ZDHHC11B: variants seen among roughly 807,000 people sequenced by gnomAD.
ZDHHC11B encodes the protein zDHHC palmitoyltransferase 11B (putative).
ZDHHC11B carries 17 observed loss-of-function variants against 42.3 expected under a neutral mutation model. The ratio of observed to expected loss-of-function variants is 0.40; its 90% CI spans 0.27 to 0.60. The LOEUF is 0.60. ZDHHC11B is among the 20% of genes least tolerant of loss of function. The pLI is 0.41. For synonymous variants in ZDHHC11B, 123 were observed against 193.5 expected (o/e 0.64, Z 3.02); for missense variants, 262 against 463.2 (o/e 0.57, Z 3.99).
At chr5:741,838 A>G (rs183805563) in intron 9 of ZDHHC11B, among the ~76,000 whole-genome samples, 238 of 138,454 alleles carry the variant, frequency 1.7e-3, no homozygotes, top group African/African-American at 5.9e-3. Context: ...TTCTGGTCAT[A>G]TATTAGACAT....
At chr5:730,289 T>C in intron 12 of ZDHHC11B, 145 bp downstream of exon 12, 15 of 1,068,774 alleles carry the variant, frequency 1.4e-5, no homozygotes, top group Non-Finnish European at 1.8e-5. Context: ...TGAATGGCTA[T>C]AAATGTTCAG....
intron 1 of ZDHHC11B, among the ~76,000 whole-genome samples, chr5:778,793 GAGAGA>G (rs1387568415): frequency 1.3e-5 from 2 of 151,818 alleles, no homozygotes; most frequent in Non-Finnish European, 1.5e-5. Context: ...AGAAGACACA[GAGAGA>G]AGAGAAGAAG....
At chr5:724,268 C>T (rs560762316) in intron 12 of ZDHHC11B, among the ~76,000 whole-genome samples, 6 of 149,862 alleles carry the variant, frequency 4.0e-5, no homozygotes, top group East Asian at 2.0e-4. Context: ...TGCAGTGGCA[C>T]GATCTTGGCT....
At chr5:760,796 G>T (rs6555467) in intron 4 of ZDHHC11B, among the ~76,000 whole-genome samples, 4,155 of 150,832 alleles carry the variant, frequency 0.028, 227 homozygotes, top group African/African-American at 0.097. Flanking sequence ...GCACCACTCC[G>T]GACTGGCAGG....
At chr5:751,583 A>G (rs632851) in intron 6 of ZDHHC11B, among the ~76,000 whole-genome samples, 3,095 of 74,744 alleles carry the variant, frequency 0.041, 244 homozygotes, top group Middle Eastern at 0.062. Flanking sequence ...AGAGGCAGGG[A>G]TGGGGACGCG....
In ZDHHC11B at chr5:725,300, G is replaced by T. The variant is rs2335595; in HGVS notation, c.1058+5134C>A. Among the ~76,000 whole-genome samples the T allele has an allele frequency of 6.8e-5, 8 of 117,146 alleles. 1 individual carries two copies. Among genetic ancestry groups the T allele is most frequent in the Non-Finnish European group, 1.3e-4 (7 of 54,000 alleles). 76.9% of individuals were successfully genotyped at this position (117,146 alleles called of 152,430 possible). On this transcript the variant is annotated intron_variant, in intron 12 of 13. Transcript: ENST00000508859. ...TGTGTGAGGACAACCAGAGGAGGCCGTCGGAGAACCGGGAAGGGGCTCTCA... is the reference window on the plus strand; with the variant it reads ...TGTGTGAGGACAACCAGAGGAGGCCTTCGGAGAACCGGGAAGGGGCTCTCA...
At chr5:721,240 T>C (rs1409174803) in intron 12 of ZDHHC11B, among the ~76,000 whole-genome samples, 1 of 146,964 alleles carries the variant, frequency 6.8e-6, no homozygotes, top group Non-Finnish European at 1.5e-5. Context: ...AAATGGAACA[T>C]TACAAACATT....
intron 1 of ZDHHC11B, among the ~76,000 whole-genome samples, chr5:783,886 T>A (rs1264506814): frequency 2.8e-5 from 3 of 106,476 alleles, no homozygotes; most frequent in South Asian, 3.2e-4. Flanking sequence ...GCAGCCCCCC[T>A]AAACGCTTAT....
chr5:777,933 G>C (rs766914114), intron 1 of ZDHHC11B, among the ~76,000 whole-genome samples: 2 of 151,828 alleles, frequency 1.3e-5, no homozygotes, highest in Non-Finnish European at 2.9e-5. Flanking sequence ...GCGTGGCCTC[G>C]GCATGGCGGT....
At position 750,692 on chromosome 5, in the gene ZDHHC11B, C is replaced by T. The variant is rs1356942093; in HGVS notation, c.628+441G>A. Among the ~76,000 whole-genome samples the T allele has an allele frequency of 4.8e-5, 6 of 124,662 alleles. 2 individuals are homozygous for T. The highest frequency in any genetic ancestry group is 1.9e-4 in the Admixed American group (2 of 10,794). The allele number at this position is 124,662 out of a possible 152,430, so 81.8% of individuals were successfully genotyped here. ...GGCTCCGGGCCCACTTGGCCAAGGG[C>T]CTCAGCACACCGCAGCCTACAGCCC... On this transcript the variant is annotated intron_variant, in intron 7 of 13. Coordinates refer to ENST00000508859, the MANE Select transcript of ZDHHC11B (RefSeq NM_001351303.2).
Position 720,195 on chromosome 5 carries a change from TG to T in ZDHHC11B, c.1059-3331del, listed in dbSNP as rs540938970. On this transcript the variant is annotated intron_variant, in intron 12 of 13. Transcript: ENST00000508859. ...CTCAACGAATTCCAAGCAGGCTATA[TG>T]CCAAAAGATCTACGCTAAGACACAT... Among the ~76,000 whole-genome samples the T allele has an allele frequency of 2.4e-4, 36 of 151,892 alleles. No homozygotes were observed. The East Asian group carries it at 6.4e-3, about 27-fold the overall frequency.
intron 4 of ZDHHC11B, among the ~76,000 whole-genome samples, chr5:759,205 C>A (rs1396313610): frequency 6.6e-6 from 1 of 151,890 alleles, no homozygotes; most frequent in East Asian, 1.9e-4. Flanking sequence ...CCCCTAGCAA[C>A]AATCTGTATT....
At chr5:747,910 C>A in intron 8 of ZDHHC11B, 1 of 269,826 alleles carries the variant, frequency 3.7e-6, no homozygotes, top group African/African-American at 2.1e-5. Context: ...ACATGACTGA[C>A]CGCCTACCGC....
rs370420576 is a variant in ZDHHC11B, at chr5:710,432, G to C, written c.*1858C>G. The C allele has an allele frequency of 3.9e-5, 6 of 154,524 alleles. No homozygotes were observed. In the East Asian group the frequency reaches 7.5e-4, roughly 19 times the overall value. 9.6% of individuals were successfully genotyped at this position (154,524 alleles called of 1,614,324 possible). ...TGACTACTAAACAGACTAAAACGCA[G>C]AGTTCATTAAAATACAGAGGATGCC... On this transcript the variant is annotated 3_prime_UTR_variant, in exon 14 of 14. Coordinates refer to ENST00000508859, the MANE Select transcript of ZDHHC11B (RefSeq NM_001351303.2).
Position 780,619 on chromosome 5 carries a change from G to T in ZDHHC11B, c.-230+4049C>A. Among the ~76,000 whole-genome samples the T allele has an allele frequency of 1.5e-5, 2 of 136,534 alleles. 1 individual carries two copies. The highest frequency in any genetic ancestry group is 3.0e-5 in the Non-Finnish European group (2 of 66,860). 89.6% of individuals were successfully genotyped at this position (136,534 alleles called of 152,430 possible). A position where few individuals can be genotyped will look rare whatever the true frequency, so the allele number is the denominator to read the frequency against. ...ATCCCACTCCCGGAACATGAAGAGAGGCGGCCCAGAACGGCTGGCACTAGA... is the reference window on the plus strand; with the variant it reads ...ATCCCACTCCCGGAACATGAAGAGATGCGGCCCAGAACGGCTGGCACTAGA... On this transcript the variant is annotated intron_variant, in intron 1 of 13. Transcript: ENST00000508859.
chr5:731,241 C>T (rs1742999643), intron 11 of ZDHHC11B, among the ~76,000 whole-genome samples: 1 of 150,428 alleles, frequency 6.6e-6, no homozygotes, highest in South Asian at 2.1e-4. Context: ...ATATTGATCA[C>T]CTTTTTTTAT....
chr5:753,052 G>A (rs1199544633), intron 6 of ZDHHC11B, among the ~76,000 whole-genome samples: 3 of 127,168 alleles, frequency 2.4e-5, no homozygotes, highest in African/African-American at 7.5e-5. Flanking sequence ...TGCCCCTGCT[G>A]CCTGTGTTTA....
At chr5:730,297 C>G in intron 12 of ZDHHC11B, 137 bp downstream of exon 12, 1 of 1,107,668 alleles carries the variant, frequency 9.0e-7, no homozygotes, top group Non-Finnish European at 1.2e-6. Context: ...TATAAATGTT[C>G]AGTGAAGCAT....
intron 12 of ZDHHC11B, among the ~76,000 whole-genome samples, chr5:726,397 G>C (rs933965922): frequency 6.7e-6 from 1 of 148,872 alleles, no homozygotes; most frequent in Non-Finnish European, 1.5e-5. Context: ...ACAAAAAAAG[G>C]GTTAATGGTA....
Sources: allele counts gnomAD v4.1 joint callset (sites outside exome capture counted in the v4.1 genomes callset), GRCh38; gene constraint gnomAD v4.1.1; transcripts MANE v1.5; gene names NCBI Gene and HGNC (gene_info 2026-07-23, HGNC 2026-07-21).